The following HMGB1 variants were observed in gnomAD, a reference collection of about 807,000 sequenced individuals.
HMGB1 encodes high mobility group box 1.
For synonymous variants in HMGB1, 81 were observed against 84.0 expected (o/e 0.96, Z 0.19); for missense variants, 79 against 253.5 (o/e 0.31, Z 4.67).
At chr13:30,581,806 T>G (rs917476931) in intron 1 of HMGB1, among the ~76,000 whole-genome samples, 2 of 152,192 alleles carry the variant, frequency 1.3e-5, no homozygotes, top group African/African-American at 4.8e-5. Context: ...TGTGAACAAG[T>G]GCTCAGCTAT....
chr13:30,547,525 G>A (rs765036772), intron 1 of HMGB1, among the ~76,000 whole-genome samples: 5 of 152,140 alleles, frequency 3.3e-5, no homozygotes, highest in Non-Finnish European at 5.9e-5. Flanking sequence ...GAACAGATAC[G>A]TGTTGATACA....
Position 30,570,198 on chromosome 13 carries a change from C to T in HMGB1, c.-15+46473G>A, listed in dbSNP as rs374229999. Among the ~76,000 whole-genome samples the T allele has an allele frequency of 2.6e-4, 40 of 152,324 alleles. No individual in the cohort carries two copies. In the East Asian group the frequency reaches 5.0e-3, roughly 19 times the overall value. On this transcript the variant is annotated intron_variant, in intron 1 of 4. Coordinates refer to the HMGB1 transcript ENST00000405805. ...GTACACTAATGGCTCATGCCTGTTA[C>T]TCCCAGCACTTTGGAAGGCCAAGAT...
intron 1 of HMGB1, chr13:30,540,322 T>C (rs908011536): frequency 1.9e-5 from 3 of 161,272 alleles, no homozygotes; most frequent in Admixed American, 1.3e-4. Context: ...CCTTTGATAG[T>C]AGGGTATGGT....
chr13:30,498,626 AATT>A (rs71192659), intron 1 of HMGB1, among the ~76,000 whole-genome samples: 8,577 of 143,868 alleles, frequency 0.06, 287 homozygotes, highest in Admixed American at 0.077. Context: ...GGAATCAGCA[AATT>A]ATTATTATTA....
At position 30,525,856 on chromosome 13, in the gene HMGB1, T is replaced by TGG. The variant is rs150547949; in HGVS notation, c.-14-62164_-14-62163dup. Among the ~76,000 whole-genome samples, 8 of 150,230 alleles carry TGG rather than the reference T, an allele frequency of 5.3e-5. No homozygotes were observed. In the South Asian group the frequency reaches 1.1e-3, roughly 20 times the overall value. ...GGGATTACAATTCAAGATGAGATTG[T>TGG]GGGGGGACACAAAGCCTAACCATAT... is the stretch of plus-strand genomic sequence containing the variant. On this transcript the variant is annotated intron_variant, in intron 1 of 4. Transcript: ENST00000405805.
intron 1 of HMGB1, among the ~76,000 whole-genome samples, chr13:30,561,821 A>G (rs912232271): frequency 6.6e-6 from 1 of 152,232 alleles, no homozygotes; most frequent in Non-Finnish European, 1.5e-5. Context: ...AAAGCGGATC[A>G]TCAAGATAGT....
At chr13:30,556,718 A>T (rs978065331) in intron 1 of HMGB1, among the ~76,000 whole-genome samples, 13 of 152,260 alleles carry the variant, frequency 8.5e-5, no homozygotes, top group Non-Finnish European at 4.4e-5. Context: ...TTGATCTCAT[A>T]GAAGTAAAAA....
intron 1 of HMGB1, among the ~76,000 whole-genome samples, chr13:30,580,446 A>G (rs1027009256): frequency 2.0e-5 from 3 of 152,240 alleles, no homozygotes; most frequent in Non-Finnish European, 4.4e-5. Flanking sequence ...TCACAGTTAG[A>G]CATCAGCTAT....
intron 1 of HMGB1, chr13:30,464,555 G>C (rs1374100375): frequency 2.0e-6 from 2 of 984,444 alleles, no homozygotes; most frequent in Non-Finnish European, 2.4e-6. Context: ...AGGCCGCCAC[G>C]TGCGCCCGGC....
chr13:30,554,056 C>A, intron 1 of HMGB1: 2 of 1,387,636 alleles, frequency 1.4e-6, no homozygotes, highest in Non-Finnish European at 2.0e-6. Context: ...TACTGGCCAA[C>A]AGATGACCAA....
upstream of HMGB1, chr13:30,466,079 G>A (rs1886771792): frequency 4.8e-6 from 2 of 416,174 alleles, no homozygotes; most frequent in Non-Finnish European, 6.5e-6. Context: ...GAAACAGCGC[G>A]CAAATCTGAA....
intron 1 of HMGB1, among the ~76,000 whole-genome samples, chr13:30,562,583 A>G (rs999502623): frequency 4.6e-5 from 7 of 152,210 alleles, no homozygotes; most frequent in African/African-American, 4.8e-5. Flanking sequence ...ATATTTCTCA[A>G]GAACGATTTC....
chr13:30,579,312 A>G (rs1190760772), intron 1 of HMGB1, among the ~76,000 whole-genome samples: 2 of 152,206 alleles, frequency 1.3e-5, no homozygotes, highest in African/African-American at 4.8e-5. Context: ...GGATAGTAAA[A>G]AAATCACAGG....
At chr13:30,528,215 T>C (rs562657977) in intron 1 of HMGB1, among the ~76,000 whole-genome samples, 1 of 152,348 alleles carries the variant, frequency 6.6e-6, no homozygotes, top group East Asian at 1.9e-4. Context: ...AATGTAAATA[T>C]GAAATGTCTT....
At position 30,457,435 on chromosome 13, in the gene HMGB1, A is replaced by C. The variant is rs1299411856; in HGVS notation, c.*3922T>G. ...GGATGCCCAATAAATTCAACTATTTAAGCTAAGCACAGTGGTGTGTCCCTG... is the reference window on the plus strand; with the variant it reads ...GGATGCCCAATAAATTCAACTATTTCAGCTAAGCACAGTGGTGTGTCCCTG... On this transcript the variant is annotated 3_prime_UTR_variant, in exon 5 of 5. Coordinates refer to ENST00000341423, the MANE Select transcript of HMGB1 (RefSeq NM_002128.7). 1 of 152,252 alleles carries C rather than the reference A, an allele frequency of 6.6e-6. No individual in the cohort carries two copies. Among genetic ancestry groups the C allele is most frequent in the Non-Finnish European group, 1.5e-5 (1 of 68,050 alleles). 9.4% of individuals were successfully genotyped at this position (152,252 alleles called of 1,614,324 possible). A position where few individuals can be genotyped will look rare whatever the true frequency, so the allele number is the denominator to read the frequency against.
intron 1 of HMGB1, among the ~76,000 whole-genome samples, chr13:30,505,183 G>A (rs1368050804): frequency 1.3e-5 from 2 of 149,308 alleles, no homozygotes; most frequent in African/African-American, 4.9e-5. Flanking sequence ...TGTTGTTGTT[G>A]TTGTTATTGT....
At chr13:30,494,603 C>T (rs144254583) in intron 1 of HMGB1, among the ~76,000 whole-genome samples, 2,661 of 152,314 alleles carry the variant, frequency 0.017, 65 homozygotes, top group African/African-American at 0.057. Context: ...TCAGGTGATC[C>T]GCCCGCCTTG....
In HMGB1 at chr13:30,539,638, C is replaced by G. The variant is rs116510603; in HGVS notation, c.-14-75944G>C. Reference sequence around the variant, plus strand: ...GCATGAGCTCCCATCCTCTGAGGGTCCTGAAAAGGATTGGTCCTGGAGTCT... The same window carrying G: ...GCATGAGCTCCCATCCTCTGAGGGTGCTGAAAAGGATTGGTCCTGGAGTCT... On this transcript the variant is annotated intron_variant, in intron 1 of 4. Coordinates refer to the HMGB1 transcript ENST00000405805. 2,574 of 312,936 alleles carry G rather than the reference C, an allele frequency of 8.2e-3. 67 individuals are homozygous for G. Among genetic ancestry groups the G allele is most frequent in the African/African-American group, 0.054 (2,425 of 44,908 alleles). The allele number at this position is 312,936 out of a possible 1,614,324, so 19.4% of individuals were successfully genotyped here. A position where few individuals can be genotyped will look rare whatever the true frequency, so the allele number is the denominator to read the frequency against.
intron 1 of HMGB1, among the ~76,000 whole-genome samples, chr13:30,487,481 A>C (rs1259578867): frequency 6.6e-6 from 1 of 152,240 alleles, no homozygotes; most frequent in Non-Finnish European, 1.5e-5. Flanking sequence ...AGGGTTGCAG[A>C]AAAAATAAGC....
Sources: gnomAD v4.1 joint callset for allele counts (sites outside exome capture counted in the v4.1 genomes callset) on GRCh38, gnomAD v4.1.1 for gene constraint, MANE v1.5 for transcripts, NCBI Gene and HGNC (gene_info 2026-07-23, HGNC 2026-07-21) for gene names.